DOK6: variants seen among roughly 807,000 people sequenced by gnomAD.
DOK6 encodes docking protein 6, also known as downstream of tyrosine kinase 6.
A neutral mutation model predicts 44.0 loss-of-function variants in DOK6; 22 were observed. The ratio of observed to expected loss-of-function variants is 0.50; its 90% CI spans 0.36 to 0.71. The LOEUF is 0.71. Among genes scored for constraint, DOK6 ranks in the 30% least tolerant of loss-of-function variants. The pLI, the probability that DOK6 is intolerant of heterozygous loss-of-function variation, is 0.00. For synonymous variants in DOK6, 166 were observed against 145.5 expected (o/e 1.14, Z -1.01); for missense variants, 340 against 416.4 (o/e 0.82, Z 1.60).
intron 3 of DOK6, among the ~76,000 whole-genome samples, chr18:69,667,031 A>G (rs1300667880): frequency 6.6e-6 from 1 of 152,076 alleles, no homozygotes; most frequent in Non-Finnish European, 1.5e-5. Context: ...TTTAGTTCTC[A>G]TAATTTTCCA....
intron 1 of DOK6, among the ~76,000 whole-genome samples, chr18:69,503,505 G>A: frequency 6.6e-6 from 1 of 151,984 alleles, no homozygotes. Flanking sequence ...TTCTATTTTG[G>A]TAAATAGTAA....
intron 7 of DOK6, among the ~76,000 whole-genome samples, chr18:69,761,094 T>G (rs1320985845): frequency 1.0e-5 from 1 of 99,106 alleles, no homozygotes; most frequent in African/African-American, 3.9e-5. Flanking sequence ...TCAGGTGTTT[T>G]CTGTCTAGTA....
intron 3 of DOK6, among the ~76,000 whole-genome samples, chr18:69,641,668 A>G (rs1330317382): frequency 6.6e-6 from 1 of 152,182 alleles, no homozygotes; most frequent in Non-Finnish European, 1.5e-5. Flanking sequence ...CTGCAATGAG[A>G]ATGCTGCCTC....
At chr18:69,763,354 TCTAA>T (rs1329906538) in intron 7 of DOK6, among the ~76,000 whole-genome samples, 2 of 152,212 alleles carry the variant, frequency 1.3e-5, no homozygotes, top group African/African-American at 4.8e-5. Flanking sequence ...TTTATACTTC[TCTAA>T]CTTCCTCTGT....
At chr18:69,803,201 G>C (rs1484401191) in intron 7 of DOK6, among the ~76,000 whole-genome samples, 1 of 152,026 alleles carries the variant, frequency 6.6e-6, no homozygotes, top group African/African-American at 2.4e-5. Flanking sequence ...GAATTTAAAA[G>C]TAATTATGTT....
At chr18:69,651,481 C>CTTTT (rs1568322475) in intron 3 of DOK6, among the ~76,000 whole-genome samples, 2 of 143,828 alleles carry the variant, frequency 1.4e-5, no homozygotes, top group African/African-American at 5.3e-5. Flanking sequence ...GCCCCCCGCT[C>CTTTT]CTTTTTTTTT....
At chr18:69,650,499 A>T (rs1011256062) in intron 3 of DOK6, among the ~76,000 whole-genome samples, 1 of 152,250 alleles carries the variant, frequency 6.6e-6, no homozygotes, top group Non-Finnish European at 1.5e-5. Context: ...ATTGCTTGGC[A>T]TACTTTCATA....
At chr18:69,821,671 C>T (rs1981574376) in intron 7 of DOK6, among the ~76,000 whole-genome samples, 1 of 152,162 alleles carries the variant, frequency 6.6e-6, no homozygotes, top group Non-Finnish European at 1.5e-5. Context: ...ATTCCAAAAC[C>T]ACAGGAGTCA....
chr18:69,731,538 A>G (rs941219933), intron 5 of DOK6, among the ~76,000 whole-genome samples: 2 of 152,202 alleles, frequency 1.3e-5, no homozygotes, highest in African/African-American at 4.8e-5. Flanking sequence ...TTCTATGGTC[A>G]GTTGAAATGC....
chr18:69,626,811 T>C (rs1984566723), intron 3 of DOK6, among the ~76,000 whole-genome samples: 1 of 152,192 alleles, frequency 6.6e-6, no homozygotes, highest in Non-Finnish European at 1.5e-5. Context: ...GAGAAAGACA[T>C]TCCTGGCATG....
chr18:69,659,807 T>C (rs1263209533), intron 3 of DOK6: 6 of 143,656 alleles, frequency 4.2e-5, no homozygotes, highest in Non-Finnish European at 9.2e-5. Context: ...GGTTTTTTTT[T>C]CTGCTTTTTT....
intron 2 of DOK6, 54 bp from the exon 3 acceptor site, chr18:69,599,330 C>G: frequency 7.8e-7 from 1 of 1,278,034 alleles, no homozygotes; most frequent in Non-Finnish European, 1.1e-6. Flanking sequence ...TTTCAGCACT[C>G]CAACATACAG....
intron 3 of DOK6, among the ~76,000 whole-genome samples, chr18:69,676,312 TA>T (rs1266338091): frequency 6.6e-6 from 1 of 152,208 alleles, no homozygotes; most frequent in Non-Finnish European, 1.5e-5. Flanking sequence ...TTGAGAAAAG[TA>T]AAAATAAATG....
intron 1 of DOK6, among the ~76,000 whole-genome samples, chr18:69,456,283 A>G (rs763497612): frequency 2.6e-5 from 4 of 152,044 alleles, no homozygotes; most frequent in Non-Finnish European, 4.4e-5. Context: ...ATAGTACCCA[A>G]TAGGTAATTT....
At chr18:69,406,276 G>A (rs1382310050) in intron 1 of DOK6, among the ~76,000 whole-genome samples, 1 of 152,124 alleles carries the variant, frequency 6.6e-6, no homozygotes, top group Non-Finnish European at 1.5e-5. Flanking sequence ...GACATCTGAT[G>A]TATGCTTAGA....
At chr18:69,813,344 C>T (rs1357619127) in intron 7 of DOK6, among the ~76,000 whole-genome samples, 1 of 151,962 alleles carries the variant, frequency 6.6e-6, no homozygotes, top group East Asian at 1.9e-4. Flanking sequence ...AACGTATGTC[C>T]TTATGGGGAT....
intron 7 of DOK6, among the ~76,000 whole-genome samples, chr18:69,828,884 G>GTGTATATATATATATATATATATATA (rs1555673465): frequency 1.2e-4 from 11 of 90,210 alleles, no homozygotes; most frequent in East Asian, 1.2e-3. Context: ...ACATTTATGT[G>GTGTATATATATATATATATATATATA]TATATATATA....
At chr18:69,818,477 G>T (rs1981468566) in intron 7 of DOK6, among the ~76,000 whole-genome samples, 1 of 152,170 alleles carries the variant, frequency 6.6e-6, no homozygotes, top group Admixed American at 6.6e-5. Context: ...TCCAGCAGGT[G>T]TAAGCTGGAT....
chr18:69,794,851 G>A (rs183720345), intron 7 of DOK6, among the ~76,000 whole-genome samples: 8 of 152,190 alleles, frequency 5.3e-5, no homozygotes, highest in East Asian at 1.9e-4. Context: ...CGCATGCGAG[G>A]GATTTAGGCT....
Sources: allele counts gnomAD v4.1 joint callset (sites outside exome capture counted in the v4.1 genomes callset), GRCh38; gene constraint gnomAD v4.1.1; transcripts MANE v1.5; gene names NCBI Gene and HGNC (gene_info 2026-07-23, HGNC 2026-07-21).